Variants in MEGF11 observed in about 807,000 individuals in gnomAD.
MEGF11 encodes the protein multiple epidermal growth factor-like domains protein 11.
Under a neutral mutation model 146.6 loss-of-function variants are expected in MEGF11, and 126 were observed. The ratio of observed to expected loss-of-function variants is 0.86; its 90% CI spans 0.74 to 1.00. The LOEUF is 1.00. Among genes scored for constraint, MEGF11 ranks in the 50% least tolerant of loss-of-function variants. The pLI, the probability that MEGF11 is intolerant of heterozygous loss-of-function variation, is 0.00. For synonymous variants in MEGF11, 532 were observed against 583.4 expected, an observed-to-expected ratio of 0.91 and a Z score of 1.27; for missense variants, 1,509 against 1,521.2, an observed-to-expected ratio of 0.99 and a Z score of 0.13.
intron 10 of MEGF11, among the ~76,000 whole-genome samples, chr15:65,935,084 G>T (rs373517752): frequency 2.0e-5 from 3 of 152,216 alleles, no homozygotes. Context: ...GCTTTGGGAG[G>T]TTGAGGCAGG....
At chr15:66,239,235 A>G (rs8039721) in intron 1 of MEGF11, among the ~76,000 whole-genome samples, 45,616 of 152,116 alleles carry the variant, frequency 0.3, 7,170 homozygotes, top group Middle Eastern at 0.39. Flanking sequence ...ATAGGCAATG[A>G]TGAGCTAGGA....
chr15:65,934,821 G>A (rs2079709140), intron 10 of MEGF11, among the ~76,000 whole-genome samples: 1 of 152,194 alleles, frequency 6.6e-6, no homozygotes, highest in Non-Finnish European at 1.5e-5. Flanking sequence ...GAGGTTCCGG[G>A]AAGATTGTGC....
chr15:66,071,563 T>C (rs2085367879), intron 5 of MEGF11, among the ~76,000 whole-genome samples: 1 of 152,212 alleles, frequency 6.6e-6, no homozygotes, highest in Non-Finnish European at 1.5e-5. Context: ...GTGTGGCGTG[T>C]GCTCTCCCCA....
intron 1 of MEGF11, among the ~76,000 whole-genome samples, chr15:66,146,410 C>T (rs1441232476): frequency 1.3e-5 from 2 of 152,190 alleles, no homozygotes; most frequent in Non-Finnish European, 2.9e-5. Context: ...ACTTTTAATT[C>T]CTACAGATGT....
At chr15:66,078,263 T>C (rs1243633874) in intron 5 of MEGF11, among the ~76,000 whole-genome samples, 1 of 152,194 alleles carries the variant, frequency 6.6e-6, no homozygotes, top group Admixed American at 6.5e-5. Flanking sequence ...TTAGGAGAGA[T>C]GCTGAAGCAA....
intron 1 of MEGF11, among the ~76,000 whole-genome samples, chr15:66,198,941 A>T (rs1286157018): frequency 1.3e-5 from 2 of 152,142 alleles, no homozygotes; most frequent in African/African-American, 4.8e-5. Flanking sequence ...ATCACTTGTA[A>T]AAAAGTTAAA....
chr15:66,004,862 G>A (rs1217108391), intron 5 of MEGF11, among the ~76,000 whole-genome samples: 1 of 152,162 alleles, frequency 6.6e-6, no homozygotes, highest in Non-Finnish European at 1.5e-5. Context: ...CCTTGGTGCT[G>A]AATTCCACCC....
At chr15:66,133,610 C>G (rs966711104) in intron 1 of MEGF11, among the ~76,000 whole-genome samples, 1 of 152,160 alleles carries the variant, frequency 6.6e-6, no homozygotes, top group African/African-American at 2.4e-5. Context: ...AGTCCCCAGC[C>G]CTCTCTATTT....
intron 1 of MEGF11, among the ~76,000 whole-genome samples, chr15:66,187,774 A>T (rs767985543): frequency 1.1e-4 from 17 of 152,146 alleles, no homozygotes; most frequent in Non-Finnish European, 2.2e-4. Context: ...CGATTCCAGC[A>T]TCCTTAACGA....
chr15:66,030,974 T>A (rs2083493615), intron 5 of MEGF11, among the ~76,000 whole-genome samples: 2 of 152,164 alleles, frequency 1.3e-5, no homozygotes, highest in South Asian at 4.1e-4. Flanking sequence ...TTTAGTAGGA[T>A]TTAGGTCCTG....
intron 1 of MEGF11, among the ~76,000 whole-genome samples, chr15:66,217,034 A>G (rs2091603646): frequency 6.6e-6 from 1 of 152,210 alleles, no homozygotes; most frequent in African/African-American, 2.4e-5. Context: ...ATTGCAGCCC[A>G]ACTTCTCTTT....
intron 5 of MEGF11, among the ~76,000 whole-genome samples, chr15:66,006,143 A>T (rs2141860371): frequency 6.6e-6 from 1 of 152,328 alleles, no homozygotes; most frequent in South Asian, 2.1e-4. Context: ...AGATAAGATG[A>T]GTCACACATA....
At position 65,916,848 on chromosome 15, in the gene MEGF11, G is replaced by A; in HGVS notation, c.2195C>T (p.Thr732Ile). 1.2e-6 allele frequency: 2 copies of A among 1,605,406 alleles called. No homozygotes were observed. The highest frequency in any genetic ancestry group is 8.5e-7 in the Non-Finnish European group (1 of 1,174,356). The change falls in exon 17 of 26, where the codon ACT becomes ATT. Residue 732 changes from threonine (T) to isoleucine (I), a missense_variant. Thr to Ile is a moderately conservative substitution (Grantham distance 89, BLOSUM62 -1). Transcript: ENST00000395614. ...CTTACGCTGTGTGCAGAAGAGTCCAGTCCAGCCAGGGGTGCAGTGGCAGGC... is the reference window on the plus strand; with the variant it reads ...CTTACGCTGTGTGCAGAAGAGTCCAATCCAGCCAGGGGTGCAGTGGCAGGC... Reference protein sequence around the residue: ...DGACHCTPGWTGLFCTQRCPA... With the variant: ...DGACHCTPGWIGLFCTQRCPA...
rs980136530 is a variant in MEGF11, at chr15:65,968,469, C to T, written c.899+2084G>A. On this transcript the variant is annotated intron_variant, in intron 8 of 25. Transcript: ENST00000395614. Reference sequence around the variant, plus strand: ...CTAAACTCCTCTGAAGGGCAATTCCCTAGCCCACTATATTTTTGGGGTGCC... The same window carrying T: ...CTAAACTCCTCTGAAGGGCAATTCCTTAGCCCACTATATTTTTGGGGTGCC... 3.9e-5 allele frequency among the ~76,000 whole-genome samples: 6 copies of T among 152,334 alleles called. No individual in the cohort carries two copies. In the East Asian group the frequency reaches 5.8e-4, roughly 15 times the overall value.
chr15:65,961,561 G>A (rs2080858550), intron 9 of MEGF11, among the ~76,000 whole-genome samples: 1 of 152,128 alleles, frequency 6.6e-6, no homozygotes, highest in Non-Finnish European at 1.5e-5. Flanking sequence ...GGTTATTCCT[G>A]TATAAAGGAG....
At chr15:66,190,351 C>T (rs1045387985) in intron 1 of MEGF11, among the ~76,000 whole-genome samples, 2 of 152,186 alleles carry the variant, frequency 1.3e-5, no homozygotes, top group African/African-American at 4.8e-5. Flanking sequence ...ATCCTCCCAC[C>T]TCAGCCTCCT....
At chr15:66,182,097 C>G (rs2090564797) in intron 1 of MEGF11, among the ~76,000 whole-genome samples, 1 of 152,160 alleles carries the variant, frequency 6.6e-6, no homozygotes, top group African/African-American at 2.4e-5. Flanking sequence ...CCAGCCTCCT[C>G]CTCTGCAAGG....
chr15:66,038,528 C>A (rs759651220), intron 5 of MEGF11, among the ~76,000 whole-genome samples: 1 of 152,056 alleles, frequency 6.6e-6, no homozygotes, highest in East Asian at 1.9e-4. Flanking sequence ...AGTCTTTTTG[C>A]GGCACTTTAA....
intron 1 of MEGF11, among the ~76,000 whole-genome samples, chr15:66,210,811 G>A (rs553010931): frequency 6.6e-6 from 1 of 152,322 alleles, no homozygotes; most frequent in South Asian, 2.1e-4. Context: ...AGGCAAACAT[G>A]GCAACATCTC....
Sources: gnomAD v4.1 joint callset for allele counts (sites outside exome capture counted in the v4.1 genomes callset) on GRCh38, gnomAD v4.1.1 for gene constraint, MANE v1.5 for transcripts, NCBI Gene and HGNC (gene_info 2026-07-23, HGNC 2026-07-21) for gene names.